Variants in ABTB2 observed in about 807,000 individuals in gnomAD.
The protein encoded by ABTB2 is ankyrin repeat and BTB domain containing 2, also known as ankyrin repeat and BTB/POZ domain-containing protein 2.
Under a neutral mutation model 104.1 loss-of-function variants are expected in ABTB2, and 56 were observed. That is an observed-to-expected ratio of 0.54 (90% confidence interval 0.43 to 0.67). The LOEUF is 0.67. Ranked by LOEUF, ABTB2 falls within the 30% of genes least tolerant of loss-of-function variation. The pLI is 0.00. For missense variants in ABTB2, 1,279 were observed against 1,407.7 expected (o/e 0.91, Z 1.46); for synonymous variants, 606 against 608.2 (o/e 1.00, Z 0.05).
intron 1 of ABTB2, among the ~76,000 whole-genome samples, chr11:34,216,716 C>T (rs182376135): frequency 1.3e-5 from 2 of 152,246 alleles, no homozygotes; most frequent in African/African-American, 4.8e-5. Flanking sequence ...TGTGCTGTTG[C>T]ACTCCAGCCT....
intron 1 of ABTB2, among the ~76,000 whole-genome samples, chr11:34,331,494 T>A (rs1290862805): frequency 1.3e-5 from 2 of 152,172 alleles, no homozygotes; most frequent in African/African-American, 4.8e-5. Context: ...CTACCATGAT[T>A]TCCTGTCTAA....
At chr11:34,156,232 C>T (rs1214857303) in intron 14 of ABTB2, among the ~76,000 whole-genome samples, 1 of 152,246 alleles carries the variant, frequency 6.6e-6, no homozygotes, top group Non-Finnish European at 1.5e-5. Context: ...CCACAGAAGT[C>T]AGATCAGAAC....
At chr11:34,250,013 G>C (rs1255559305) in intron 1 of ABTB2, among the ~76,000 whole-genome samples, 2 of 152,176 alleles carry the variant, frequency 1.3e-5, no homozygotes, top group Non-Finnish European at 2.9e-5. Flanking sequence ...GACACCTTGA[G>C]CTGGTCCTGG....
intron 1 of ABTB2, among the ~76,000 whole-genome samples, chr11:34,291,121 A>G (rs560759830): frequency 2.6e-4 from 39 of 152,376 alleles, no homozygotes; most frequent in African/African-American, 8.7e-4. Context: ...GTGAATATCA[A>G]TGAGCTTCAG....
chr11:34,216,426 G>A (rs927646620), intron 1 of ABTB2, among the ~76,000 whole-genome samples: 3 of 152,076 alleles, frequency 2.0e-5, no homozygotes, highest in Admixed American at 6.6e-5. Context: ...ACTATACATG[G>A]CCCTTTCTGA....
chr11:34,210,666 C>T lies in ABTB2; in HGVS notation c.884-5976G>A, dbSNP rs189143889. On this transcript the variant is annotated intron_variant, in intron 1 of 16. Coordinates refer to ENST00000435224, the MANE Select transcript of ABTB2 (RefSeq NM_145804.3). ...GTACCATTTCTGCACCTGCCACCAACGGCCCCACTAGCCCACCAGCTACCC... is the reference window on the plus strand; with the variant it reads ...GTACCATTTCTGCACCTGCCACCAATGGCCCCACTAGCCCACCAGCTACCC... Among the ~76,000 whole-genome samples the T allele has an allele frequency of 6.4e-4, 98 of 152,340 alleles. No individual in the cohort carries two copies. The East Asian group carries it at 0.016, about 25-fold the overall frequency.
At chr11:34,189,538 T>C (rs1390494078) in intron 3 of ABTB2, among the ~76,000 whole-genome samples, 1 of 152,178 alleles carries the variant, frequency 6.6e-6, no homozygotes. Flanking sequence ...GAGGTCGACG[T>C]TGCAGTGAGC....
intron 1 of ABTB2, among the ~76,000 whole-genome samples, chr11:34,352,268 T>A (rs1855407984): frequency 6.6e-6 from 1 of 152,210 alleles, no homozygotes; most frequent in Non-Finnish European, 1.5e-5. Context: ...TTCAGAAAAG[T>A]CCTCAGTCAC....
chr11:34,262,781 C>T (rs1854203172), intron 1 of ABTB2, among the ~76,000 whole-genome samples: 1 of 152,312 alleles, frequency 6.6e-6, no homozygotes, highest in East Asian at 1.9e-4. Flanking sequence ...CTTGCCAGGT[C>T]AACACCATCC....
intron 2 of ABTB2, among the ~76,000 whole-genome samples, chr11:34,200,847 C>G (rs1357323280): frequency 2.0e-5 from 3 of 152,156 alleles, no homozygotes; most frequent in Admixed American, 6.5e-5. Flanking sequence ...ATGGCTGCTA[C>G]TAAAAGTGTG....
intron 1 of ABTB2, among the ~76,000 whole-genome samples, chr11:34,288,255 C>G (rs1854528168): frequency 6.6e-6 from 1 of 152,176 alleles, no homozygotes; most frequent in South Asian, 2.1e-4. Flanking sequence ...TAGACTACAG[C>G]CTATCATTTA....
At chr11:34,173,401 C>T (rs1232827399) in intron 3 of ABTB2, 94 bp from the exon 4 acceptor site, 3 of 1,427,274 alleles carry the variant, frequency 2.1e-6, no homozygotes. Context: ...TCTTGTGGGG[C>T]AGCAGAGAGA....
intron 1 of ABTB2, among the ~76,000 whole-genome samples, chr11:34,342,384 T>C (rs979161548): frequency 4.6e-5 from 7 of 152,210 alleles, no homozygotes; most frequent in African/African-American, 1.4e-4. Flanking sequence ...GTTCCTCTTG[T>C]CCTCTTGGGC....
intron 1 of ABTB2, among the ~76,000 whole-genome samples, chr11:34,274,560 T>TACAC (rs3830969): frequency 0.016 from 2,321 of 146,336 alleles, 38 homozygotes; most frequent in East Asian, 0.047. Flanking sequence ...GATTGGAATA[T>TACAC]ACACACACAC....
At chr11:34,313,561 C>A (rs1211402789) in intron 1 of ABTB2, among the ~76,000 whole-genome samples, 1 of 152,196 alleles carries the variant, frequency 6.6e-6, no homozygotes, top group Non-Finnish European at 1.5e-5. Context: ...GTAACCCAGA[C>A]CATTGGACAA....
intron 1 of ABTB2, among the ~76,000 whole-genome samples, chr11:34,239,479 C>T (rs148310153): frequency 0.011 from 1,662 of 152,126 alleles, 9 homozygotes; most frequent in Non-Finnish European, 0.017. Context: ...TGCAGACATG[C>T]GCCCCCAAGC....
At chr11:34,159,260 C>A (rs1487216861) in intron 14 of ABTB2, 36 bp downstream of exon 14, 2 of 1,548,710 alleles carry the variant, frequency 1.3e-6, no homozygotes, top group Non-Finnish European at 8.9e-7. Context: ...GGAGGGTCAT[C>A]CCTCTGAGAA....
At chr11:34,277,642 G>C (rs1465777676) in intron 1 of ABTB2, among the ~76,000 whole-genome samples, 1 of 24 alleles carries the variant, frequency 0.042, no homozygotes, top group Non-Finnish European at 0.1. Flanking sequence ...TTAGCCAGGT[G>C]TGGTGGTCAC....
At chr11:34,239,802 T>C (rs1853890451) in intron 1 of ABTB2, among the ~76,000 whole-genome samples, 1 of 152,196 alleles carries the variant, frequency 6.6e-6, no homozygotes, top group Non-Finnish European at 1.5e-5. Flanking sequence ...CAACTGCAGC[T>C]GTCACTCTGC....
Sources: gnomAD v4.1 joint callset for allele counts (sites outside exome capture counted in the v4.1 genomes callset) on GRCh38, gnomAD v4.1.1 for gene constraint, MANE v1.5 for transcripts, NCBI Gene and HGNC (gene_info 2026-07-23, HGNC 2026-07-21) for gene names.